IFT172: variants seen among roughly 807,000 people sequenced by gnomAD.
The protein encoded by IFT172 is intraflagellar transport protein 172 homolog.
Under a neutral mutation model 248.9 loss-of-function variants are expected in IFT172, and 164 were observed. That is an observed-to-expected ratio of 0.66 (90% CI 0.58 to 0.75). IFT172 has a LOEUF of 0.75. IFT172 is among the 30% of genes least tolerant of loss of function. IFT172 has a pLI of 0.00. For synonymous variants in IFT172, 729 were observed against 791.6 expected, an observed-to-expected ratio of 0.92 and a Z score of 1.33; for missense variants, 1,950 against 2,192.4, an observed-to-expected ratio of 0.89 and a Z score of 2.21.
intron 19 of IFT172, 64 bp downstream of exon 19, chr2:27,463,033 G>T: frequency 6.5e-7 from 1 of 1,542,684 alleles, no homozygotes; most frequent in Non-Finnish European, 9.0e-7. Flanking sequence ...GGAATCATGG[G>T]GCTGAATACT....
chr2:27,452,750 A>C (rs889867033), intron 35 of IFT172, among the ~76,000 whole-genome samples: 2 of 152,234 alleles, frequency 1.3e-5, no homozygotes, highest in African/African-American at 4.8e-5. Flanking sequence ...CACCCACCTC[A>C]GCTTCCCAAA....
At chr2:27,482,504 C>A (rs1668459816) in intron 7 of IFT172, among the ~76,000 whole-genome samples, 1 of 148,604 alleles carries the variant, frequency 6.7e-6, no homozygotes, top group Admixed American at 6.7e-5. Flanking sequence ...AGGCTGGTTT[C>A]CAACTCCTGA....
intron 35 of IFT172, 54 bp downstream of exon 35, chr2:27,453,330 G>A (rs1257907394): frequency 1.2e-6 from 2 of 1,607,530 alleles, no homozygotes; most frequent in East Asian, 2.2e-5. Context: ...GCAGAGCCAA[G>A]TGTGAATAGA....
intron 35 of IFT172, 114 bp downstream of exon 35, chr2:27,453,270 C>T: frequency 1.5e-6 from 2 of 1,341,380 alleles, no homozygotes; most frequent in Non-Finnish European, 2.1e-6. Context: ...ATTCCTGCTA[C>T]CTGATTGAAA....
rs758245170 is a variant in IFT172 at position 27,455,000 on chromosome 2, C to T, written c.3372-340G>A. ...GACAGGGCTAGGAGGGCTCCTGGTG[C>T]TCTCCATCTCTTCCTGAGCCCCAGC... On this transcript the variant is annotated intron_variant, in intron 30 of 47. Transcript: ENST00000260570. This position sits in a 1 kb window ranked among gnomAD's most constrained non-coding sequence, Gnocchi z 4.2. Among the ~76,000 whole-genome samples, 2 of 152,176 alleles carry T rather than the reference C, an allele frequency of 1.3e-5. No individual in the cohort carries two copies. The highest frequency in any genetic ancestry group is 1.5e-5 in the Non-Finnish European group (1 of 68,032).
intron 35 of IFT172, chr2:27,453,135 T>C (rs1180119954): frequency 1.3e-5 from 8 of 630,996 alleles, no homozygotes; most frequent in Non-Finnish European, 2.1e-5. Context: ...TTTACTCAGA[T>C]ATGATAGTAA....
chr2:27,463,241 T>C (rs956033186), intron 18 of IFT172, 60 bp from the exon 19 acceptor site: 7 of 1,484,126 alleles, frequency 4.7e-6, no homozygotes, highest in African/African-American at 4.2e-5. Flanking sequence ...CATTAATTCA[T>C]TGGTTCAGCA....
In IFT172 at chr2:27,445,817, G is replaced by A. The variant is rs1377269135; in HGVS notation, c.4842C>T (p.Gly1614=). 2 of 1,614,126 alleles carry A rather than the reference G, an allele frequency of 1.2e-6. No homozygotes were observed. The highest frequency in any genetic ancestry group is 3.3e-5 in the Admixed American group (2 of 60,014). The change falls in exon 45 of 48, where the codon GGC becomes GGT. Residue 1614 remains glycine (G), a synonymous_variant. Coordinates refer to ENST00000260570, the MANE Select transcript of IFT172 (RefSeq NM_015662.3). The surrounding 1 kb of genome is among the most constrained non-coding windows in gnomAD (Gnocchi z 4.4). The part of the protein sequence containing the change: ...TDAIEEGTLD[G]LDHSDFQDTD... ...TATCCTGAAAATCAGAGTGGTCAAG[G>A]CCATCTAGAGTCCCTTCCTCGATTG...
At position 27,459,372 on chromosome 2, in the gene IFT172, C is replaced by T. The variant is rs75805075; in HGVS notation, c.2787+6G>A. Reference sequence around the variant, plus strand: ...CCTCGTGCTGCGGAAAGGGACTCTTCCTCACCTCATACTCCTGCAGGGATG... The same window carrying T: ...CCTCGTGCTGCGGAAAGGGACTCTTTCTCACCTCATACTCCTGCAGGGATG... On this transcript the variant is annotated splice_donor_region_variant and intron_variant, in intron 25 of 47. Transcript: ENST00000260570. 233 of 1,613,924 alleles carry T rather than the reference C, an allele frequency of 1.4e-4. No homozygotes were observed. In the African/African-American group the frequency reaches 2.8e-3, roughly 19 times the overall value.
chr2:27,461,282 TC>T lies in IFT172; in HGVS notation c.2428del (p.Glu810AsnfsTer30), dbSNP rs1423464068. 6.2e-7 allele frequency: 1 copy of T among 1,614,020 alleles called. No individual in the cohort carries two copies. ...EHITAALIKGELYERAGDLFE... is the reference protein window; with the variant it reads ...EHITAALIKGXLYERAGDLFE... ...AAGCCAGCATACCCTTTCGTAGAGT[TC>T]CCCCTTGATAAGGGCTGCAGTGATG... On this transcript the variant is annotated frameshift_variant, in exon 22 of 48. Coordinates refer to ENST00000260570, the MANE Select transcript of IFT172 (RefSeq NM_015662.3). LOFTEE classifies it high-confidence loss of function.
In IFT172 at chr2:27,465,901, C is replaced by A. The variant is rs202039261; in HGVS notation, c.1693-19G>T. 1.2e-4 allele frequency: 190 copies of A among 1,613,680 alleles called. No homozygotes were observed. Among genetic ancestry groups the A allele is most frequent in the Non-Finnish European group, 1.6e-4 (184 of 1,179,778 alleles). On this transcript the variant is annotated intron_variant, in intron 16 of 47. Coordinates refer to ENST00000260570, the MANE Select transcript of IFT172 (RefSeq NM_015662.3). ...CATCACCCTGTAAAAGTTTATCCCC[C>A]AACCCACCCCAATTTCAGGTTAGTT...
At position 27,472,277 on chromosome 2, in the gene IFT172, C is replaced by T. The variant is rs1667629279; in HGVS notation, c.1497G>A (p.Lys499=). 6.2e-7 allele frequency: 1 copy of T among 1,614,084 alleles called. No homozygotes were observed. The highest frequency in any genetic ancestry group is 8.5e-7 in the Non-Finnish European group (1 of 1,179,936). ...GAAGTTTCCGGTCCCTGAAGAGGAGCTTGTGTCCAGTCTCATTAAGTTCCA... is the reference window on the plus strand; with the variant it reads ...GAAGTTTCCGGTCCCTGAAGAGGAGTTTGTGTCCAGTCTCATTAAGTTCCA... The part of the protein sequence containing the change: ...DWLELNETGH[K]LLFRDRKLRL... The change falls in exon 15 of 48, where the codon AAG becomes AAA. Residue 499 remains lysine (K), a synonymous_variant. Transcript: ENST00000260570.
intron 16 of IFT172, among the ~76,000 whole-genome samples, chr2:27,470,255 A>C (rs1348188411): frequency 7.8e-6 from 1 of 127,646 alleles, no homozygotes; most frequent in African/African-American, 2.9e-5. Flanking sequence ...GAAAGAAGAG[A>C]GAGAAAGAGA....
chr2:27,488,898 C>A (rs1032311326), intron 1 of IFT172, among the ~76,000 whole-genome samples: 1 of 152,164 alleles, frequency 6.6e-6, no homozygotes, highest in Admixed American at 6.5e-5. Context: ...AAAAATTACC[C>A]GGGCGTGCTA....
At chr2:27,449,650 G>C in intron 37 of IFT172, 41 bp downstream of exon 37, 1 of 1,610,036 alleles carries the variant, frequency 6.2e-7, no homozygotes. Flanking sequence ...ACAAAAGGAA[G>C]TAAAAGAGAA....
chr2:27,449,451 G>A, intron 38 of IFT172, 48 bp downstream of exon 38: 2 of 1,611,016 alleles, frequency 1.2e-6, no homozygotes, highest in Admixed American at 3.3e-5. Flanking sequence ...AGAGAGTCTT[G>A]TGAGTCTCTC....
At chr2:27,484,344 C>G in intron 3 of IFT172, 78 bp from the exon 4 acceptor site, 1 of 1,510,616 alleles carries the variant, frequency 6.6e-7, no homozygotes, top group Admixed American at 1.7e-5. Flanking sequence ...GTAATCCCAG[C>G]ACTTTGGGAG....
chr2:27,483,705 T>C, intron 5 of IFT172, 46 bp from the exon 6 acceptor site: 7 of 1,596,072 alleles, frequency 4.4e-6, no homozygotes, highest in Non-Finnish European at 6.0e-6. Flanking sequence ...CTATTTTATA[T>C]TTAACTAGGC....
intron 35 of IFT172, 170 bp downstream of exon 35, chr2:27,453,214 T>C (rs745567469): frequency 8.8e-6 from 8 of 907,988 alleles, no homozygotes; most frequent in Admixed American, 1.8e-5. Context: ...TCCACTTTTA[T>C]AGCCTTCAGA....
Sources: gnomAD v4.1 joint callset for allele counts (sites outside exome capture counted in the v4.1 genomes callset) on GRCh38, gnomAD v4.1.1 for gene constraint, Gnocchi (gnomAD v3.1) non-coding constraint, MANE v1.5 for transcripts, NCBI Gene and HGNC (gene_info 2026-07-23, HGNC 2026-07-21) for gene names.